The following EXOC4 variants were observed in gnomAD, a reference collection of about 807,000 sequenced individuals.
The protein encoded by EXOC4 is exocyst complex component 4.
EXOC4 carries 71 observed loss-of-function variants against 107.2 expected under a neutral mutation model. That is an observed-to-expected ratio of 0.66 (90% CI 0.55 to 0.81). The LOEUF is 0.81. Ranked by LOEUF, EXOC4 falls within the 30% of genes least tolerant of loss-of-function variation. The pLI is 0.00. For synonymous variants in EXOC4, 456 were observed against 441.2 expected, an observed-to-expected ratio of 1.03 and a Z score of -0.42; for missense variants, 1,108 against 1,189.6, an observed-to-expected ratio of 0.93 and a Z score of 1.01.
chr7:133,547,585 G>C (rs1324132489), intron 9 of EXOC4, among the ~76,000 whole-genome samples: 1 of 152,164 alleles, frequency 6.6e-6, no homozygotes, highest in African/African-American at 2.4e-5. Context: ...CTCAAACGCT[G>C]TCACTGCTTT....
At chr7:133,771,433 A>T (rs1193905957) in intron 10 of EXOC4, 1 of 151,996 alleles carries the variant, frequency 6.6e-6, no homozygotes, top group Non-Finnish European at 1.5e-5. Context: ...GTTAGAGGAC[A>T]TCAGTAATGA....
chr7:133,832,887 C>G (rs1240244397), intron 11 of EXOC4, among the ~76,000 whole-genome samples: 1 of 152,008 alleles, frequency 6.6e-6, no homozygotes, highest in African/African-American at 2.4e-5. Flanking sequence ...ACAAGTATAT[C>G]ACAATGGTAA....
intron 14 of EXOC4, among the ~76,000 whole-genome samples, chr7:133,955,965 C>G (rs945027253): frequency 6.6e-6 from 1 of 152,196 alleles, no homozygotes; most frequent in Non-Finnish European, 1.5e-5. Context: ...TCCCAGGCCC[C>G]TGAGAGTCCA....
At chr7:133,956,879 AC>A (rs1800831021) in intron 14 of EXOC4, among the ~76,000 whole-genome samples, 1 of 152,232 alleles carries the variant, frequency 6.6e-6, no homozygotes, top group Non-Finnish European at 1.5e-5. Context: ...AAGAAACAAT[AC>A]CAAAAAAGAT....
intron 9 of EXOC4, chr7:133,481,057 G>GAAAAAAAAAA (rs10686907): frequency 4.2e-5 from 6 of 142,370 alleles, no homozygotes; most frequent in Admixed American, 1.4e-4. Context: ...CTCAAAAAAA[G>GAAAAAAAAAA]AAAAAAAAAA....
chr7:133,257,492 G>A (rs1460747425), intron 1 of EXOC4, among the ~76,000 whole-genome samples: 2 of 152,134 alleles, frequency 1.3e-5, no homozygotes, highest in Non-Finnish European at 2.9e-5. Flanking sequence ...TAAGAAAGAT[G>A]GCATTTTGGA....
intron 13 of EXOC4, among the ~76,000 whole-genome samples, chr7:133,918,397 A>T (rs979831925): frequency 2.9e-4 from 44 of 152,230 alleles, no homozygotes; most frequent in African/African-American, 1.1e-3. Flanking sequence ...CCTTTCAAAC[A>T]TGAGAGTAAG....
chr7:133,958,850 A>C (rs577042642), intron 14 of EXOC4, among the ~76,000 whole-genome samples: 6 of 152,362 alleles, frequency 3.9e-5, no homozygotes, highest in African/African-American at 1.2e-4. Context: ...ACTGAGGGAC[A>C]TAAGTCATAG....
intron 9 of EXOC4, among the ~76,000 whole-genome samples, chr7:133,595,785 C>CTATA (rs1801654429): frequency 6.6e-6 from 1 of 152,156 alleles, no homozygotes; most frequent in African/African-American, 2.4e-5. Context: ...AAGTTCCTTC[C>CTATA]TATACCTCGC....
At chr7:133,724,526 GTTATA>G (rs1365846077) in intron 10 of EXOC4, among the ~76,000 whole-genome samples, 4 of 152,058 alleles carry the variant, frequency 2.6e-5, no homozygotes, top group Non-Finnish European at 4.4e-5. Context: ...AGGCTCTGGA[GTTATA>G]TTAGTGACAA....
At chr7:133,854,538 G>A (rs1010795239) in intron 11 of EXOC4, among the ~76,000 whole-genome samples, 1 of 151,998 alleles carries the variant, frequency 6.6e-6, no homozygotes, top group African/African-American at 2.4e-5. Flanking sequence ...CAGTCTTACT[G>A]ATCGTTGCTG....
intron 9 of EXOC4, among the ~76,000 whole-genome samples, chr7:133,509,822 G>C (rs1440193520): frequency 2.6e-5 from 4 of 152,112 alleles, no homozygotes; most frequent in Non-Finnish European, 5.9e-5. Context: ...TAAAACCTAC[G>C]AGGTGTTTTC....
chr7:133,255,116 G>C (rs2150496621), intron 1 of EXOC4, among the ~76,000 whole-genome samples: 1 of 151,812 alleles, frequency 6.6e-6, no homozygotes, highest in African/African-American at 2.4e-5. Flanking sequence ...TTATCACTGT[G>C]ATTTAGGCCT....
Position 133,988,354 on chromosome 7 carries a change from T to A in EXOC4, c.2207-9138T>A, listed in dbSNP as rs1794165510. 2.0e-5 allele frequency among the ~76,000 whole-genome samples: 3 copies of A among 152,346 alleles called. No homozygotes were observed. In the South Asian group the frequency reaches 6.2e-4, roughly 32 times the overall value. ...CTAAGGAGAAAGTTAGAGTTGTAAATGGCAAGTTGCTCCTTCTTTTTTCTG... is the reference window on the plus strand; with the variant it reads ...CTAAGGAGAAAGTTAGAGTTGTAAAAGGCAAGTTGCTCCTTCTTTTTTCTG... On this transcript the variant is annotated intron_variant, in intron 14 of 17. Coordinates refer to ENST00000253861, the MANE Select transcript of EXOC4 (RefSeq NM_021807.4).
chr7:133,978,276 A>G (rs1328091808), intron 14 of EXOC4, among the ~76,000 whole-genome samples: 4 of 152,226 alleles, frequency 2.6e-5, no homozygotes, highest in Non-Finnish European at 1.5e-5. Context: ...TAGAATCACA[A>G]ATAAAAGCCA....
At chr7:133,849,626 G>C (rs1327291226) in intron 11 of EXOC4, among the ~76,000 whole-genome samples, 1 of 152,172 alleles carries the variant, frequency 6.6e-6, no homozygotes, top group African/African-American at 2.4e-5. Context: ...AAAAGAGCCA[G>C]CTCCAGCACA....
intron 10 of EXOC4, 137 bp from the exon 11 acceptor site, chr7:133,817,188 T>A: frequency 1.7e-6 from 1 of 576,998 alleles, no homozygotes; most frequent in East Asian, 2.8e-5. Context: ...GATTAAAAAT[T>A]ATATAGAGAT....
intron 9 of EXOC4, among the ~76,000 whole-genome samples, chr7:133,598,758 G>A (rs933868391): frequency 1.3e-5 from 2 of 152,156 alleles, no homozygotes; most frequent in Admixed American, 1.3e-4. Context: ...GAAGCGGGTG[G>A]ATTACCTGGG....
At chr7:133,519,352 G>C (rs1241476654) in intron 9 of EXOC4, among the ~76,000 whole-genome samples, 2 of 152,066 alleles carry the variant, frequency 1.3e-5, no homozygotes, top group Non-Finnish European at 2.9e-5. Context: ...GAGCCCAGGA[G>C]GTCGAGGCTG....
Sources: allele counts gnomAD v4.1 joint callset (sites outside exome capture counted in the v4.1 genomes callset), GRCh38; gene constraint gnomAD v4.1.1; transcripts MANE v1.5; gene names NCBI Gene and HGNC (gene_info 2026-07-23, HGNC 2026-07-21).